Variants in SFMBT2 observed in about 807,000 individuals in gnomAD.
SFMBT2 encodes Scm like with four mbt domains 2, also known as scm-like with four MBT domains protein 2.
Under a neutral mutation model 110.1 loss-of-function variants are expected in SFMBT2, and 38 were observed. That is an observed-to-expected ratio of 0.35 (90% CI 0.27 to 0.45). SFMBT2 has a LOEUF of 0.45. SFMBT2 is among the 20% of genes least tolerant of loss of function. The pLI is 1.00. For missense variants in SFMBT2, 1,011 were observed against 1,094.9 expected (o/e 0.92, Z 1.08); for synonymous variants, 425 against 425.4 (o/e 1.00, Z 0.01).
At position 7,161,912 on chromosome 10, in the gene SFMBT2, G is replaced by A. The variant is rs151222538; in HGVS notation, c.*1858C>T. ...CTGTGGAGACTCTAGTCCAAGGGAC[G>A]AGCTCAAGGTGATTGTGGTGAAAAA... On this transcript the variant is annotated 3_prime_UTR_variant, in exon 21 of 21. Transcript: ENST00000397167. The A allele has an allele frequency of 1.4e-4, 22 of 152,282 alleles. No homozygotes were observed. The highest frequency in any genetic ancestry group is 4.6e-4 in the African/African-American group (19 of 41,556). 9.4% of individuals were successfully genotyped at this position (152,282 alleles called of 1,614,324 possible). A position where few individuals can be genotyped will look rare whatever the true frequency, so the allele number is the denominator to read the frequency against.
At chr10:7,363,644 C>A (rs1278173547) in intron 4 of SFMBT2, among the ~76,000 whole-genome samples, 1 of 152,164 alleles carries the variant, frequency 6.6e-6, no homozygotes, top group African/African-American at 2.4e-5. Context: ...CCACACCCTG[C>A]CTAAACCTCT....
chr10:7,321,497 G>T (rs952386722), intron 4 of SFMBT2, among the ~76,000 whole-genome samples: 1 of 152,092 alleles, frequency 6.6e-6, no homozygotes, highest in Non-Finnish European at 1.5e-5. Context: ...CACCGTGCCC[G>T]GCATTTATGA....
intron 4 of SFMBT2, among the ~76,000 whole-genome samples, chr10:7,329,227 G>T (rs536952154): frequency 1.3e-5 from 2 of 152,226 alleles, no homozygotes; most frequent in Non-Finnish European, 2.9e-5. Flanking sequence ...AAGACCAACA[G>T]TGAATGATGG....
chr10:7,384,932 G>C (rs1007742951), intron 1 of SFMBT2, among the ~76,000 whole-genome samples: 1 of 152,168 alleles, frequency 6.6e-6, no homozygotes, highest in African/African-American at 2.4e-5. Context: ...CTCACACCTT[G>C]TCTCAGAAGG....
intron 4 of SFMBT2, among the ~76,000 whole-genome samples, chr10:7,291,372 T>C (rs1842257083): frequency 6.6e-6 from 1 of 152,258 alleles, no homozygotes; most frequent in African/African-American, 2.4e-5. Context: ...TCAATGCTTC[T>C]TTGAATTCAT....
At chr10:7,368,643 A>T (rs1355850196) in intron 3 of SFMBT2, among the ~76,000 whole-genome samples, 1 of 152,258 alleles carries the variant, frequency 6.6e-6, no homozygotes, top group African/African-American at 2.4e-5. Flanking sequence ...TGACTGAATC[A>T]AAGAAAATAG....
At chr10:7,261,852 T>C (rs1431035562) in intron 7 of SFMBT2, among the ~76,000 whole-genome samples, 1 of 152,248 alleles carries the variant, frequency 6.6e-6, no homozygotes, top group Non-Finnish European at 1.5e-5. Context: ...TCCTTGACTT[T>C]ATGTCATTGA....
intron 4 of SFMBT2, among the ~76,000 whole-genome samples, chr10:7,323,534 A>C (rs1302444656): frequency 2.6e-5 from 4 of 152,016 alleles, no homozygotes; most frequent in Non-Finnish European, 4.4e-5. Context: ...TAGAAGACAA[A>C]AGGTGTTGGA....
At chr10:7,359,224 C>A (rs763606490) in intron 4 of SFMBT2, among the ~76,000 whole-genome samples, 6 of 152,322 alleles carry the variant, frequency 3.9e-5, no homozygotes, top group Non-Finnish European at 7.3e-5. Flanking sequence ...TCATTCAGGA[C>A]GTTCAAAGGT....
chr10:7,285,116 TATTC>T (rs1327968335), intron 5 of SFMBT2: 1 of 152,268 alleles, frequency 6.6e-6, no homozygotes, highest in Non-Finnish European at 1.5e-5. Flanking sequence ...TATTACTTGT[TATTC>T]ATTAAGTTTT....
chr10:7,161,549 C>A lies in SFMBT2; in HGVS notation c.*2221G>T, dbSNP rs1837550874. On this transcript the variant is annotated 3_prime_UTR_variant, in exon 21 of 21. Transcript: ENST00000397167. The stretch of plus-strand genomic sequence containing the variant: ...CAGGGGTGGAAAACCGCAGAGAGTT[C>A]AAAACTTGAGCTTAAAGGAGAGATG... 1 of 152,200 alleles carries A rather than the reference C, an allele frequency of 6.6e-6. No individual in the cohort carries two copies. The highest frequency in any genetic ancestry group is 2.1e-4 in the South Asian group (1 of 4,832). The allele number at this position is 152,200 out of a possible 1,614,324, so 9.4% of individuals were successfully genotyped here. A position where few individuals can be genotyped will look rare whatever the true frequency, so the allele number is the denominator to read the frequency against.
chr10:7,203,276 T>TA (rs1839017665), intron 12 of SFMBT2: 3 of 198,136 alleles, frequency 1.5e-5, no homozygotes, highest in Non-Finnish European at 2.7e-5. Context: ...CAAAAATAAA[T>TA]AAGAAAAATA....
chr10:7,195,879 A>C (rs1423956123), intron 15 of SFMBT2, among the ~76,000 whole-genome samples: 1 of 152,228 alleles, frequency 6.6e-6, no homozygotes, highest in Non-Finnish European at 1.5e-5. Flanking sequence ...CACCTGCTTA[A>C]CATTCTACAT....
intron 7 of SFMBT2, among the ~76,000 whole-genome samples, chr10:7,275,721 A>C (rs1056154106): frequency 6.6e-6 from 1 of 152,176 alleles, no homozygotes; most frequent in Non-Finnish European, 1.5e-5. Context: ...TAAGGGGGAG[A>C]TCTTAATAGT....
intron 14 of SFMBT2, chr10:7,198,206 A>AT: frequency 1.1e-6 from 1 of 943,608 alleles, no homozygotes; most frequent in African/African-American, 1.8e-5. Context: ...TTTCTGAGAT[A>AT]TATCCAAGTT....
In SFMBT2 at chr10:7,172,837, T is replaced by G. The variant is rs982631854; in HGVS notation, c.1985-176A>C. ...AAGCACTGCTCCAAAGCTTCAGGTC[T>G]GGAAGGTGTTCGGGCTGAACTTGGC... On this transcript the variant is annotated intron_variant, in intron 17 of 20. Transcript: ENST00000397167. The surrounding 1 kb of genome is among the most constrained non-coding windows in gnomAD (Gnocchi z 4.6). 6.6e-6 allele frequency among the ~76,000 whole-genome samples: 1 copy of G among 152,204 alleles called. No individual in the cohort carries two copies. The highest frequency in any genetic ancestry group is 6.5e-5 in the Admixed American group (1 of 15,280).
At chr10:7,218,187 AATC>A (rs1839606174) in intron 11 of SFMBT2, among the ~76,000 whole-genome samples, 1 of 152,236 alleles carries the variant, frequency 6.6e-6, no homozygotes, top group African/African-American at 2.4e-5. Context: ...TAATCGGAAT[AATC>A]ATCATTAGAT....
chr10:7,220,625 A>G lies in SFMBT2; in HGVS notation c.1204-88T>C, dbSNP rs570313669. ...TGAAGAAAGAGAAAGAAATGCACGC[A>G]CACGCATCTTACATCGACAAGACAG... is the stretch of plus-strand genomic sequence containing the variant. On this transcript the variant is annotated intron_variant, in intron 10 of 20. Coordinates refer to ENST00000397167, the MANE Select transcript of SFMBT2 (RefSeq NM_001387889.1). 3.3e-5 allele frequency: 45 copies of G among 1,360,982 alleles called. No homozygotes were observed. The South Asian group carries it at 4.7e-4, about 14-fold the overall frequency. The allele number at this position is 1,360,982 out of a possible 1,614,324, so 84.3% of individuals were successfully genotyped here.
chr10:7,290,837 T>TA (rs1310390261), intron 4 of SFMBT2, among the ~76,000 whole-genome samples: 1 of 151,974 alleles, frequency 6.6e-6, no homozygotes, highest in Non-Finnish European at 1.5e-5. Flanking sequence ...ACCATGTCTG[T>TA]AAAAAAAGAA....
Sources: gnomAD v4.1 joint callset for allele counts (sites outside exome capture counted in the v4.1 genomes callset) on GRCh38, gnomAD v4.1.1 for gene constraint, Gnocchi (gnomAD v3.1) non-coding constraint, MANE v1.5 for transcripts, NCBI Gene and HGNC (gene_info 2026-07-23, HGNC 2026-07-21) for gene names.